MEGF9: variants seen among roughly 807,000 people sequenced by gnomAD.
MEGF9 encodes the protein multiple EGF like domains 9.
A neutral mutation model predicts 46.8 loss-of-function variants in MEGF9; 6 were observed. That is an observed-to-expected ratio of 0.13 (90% CI 0.07 to 0.25). The LOEUF is 0.25. MEGF9 is among the 10% of genes least tolerant of loss of function. The probability of loss-of-function intolerance (pLI) is 1.00; values close to 1 mark genes in which losing one functional copy is unlikely to be tolerated. For synonymous variants in MEGF9, 302 were observed against 330.7 expected (o/e 0.91, Z 0.94); for missense variants, 683 against 792.4 (o/e 0.86, Z 1.66).
intron 1 of MEGF9, among the ~76,000 whole-genome samples, chr9:120,705,713 A>C (rs1361018604): frequency 6.6e-6 from 1 of 152,182 alleles, no homozygotes; most frequent in Non-Finnish European, 1.5e-5. Context: ...CTATGATTCA[A>C]ACCTAGGTAT....
In MEGF9 at chr9:120,604,486, G is replaced by A. The variant is rs2043411275; in HGVS notation, c.*704C>T. On this transcript the variant is annotated 3_prime_UTR_variant, in exon 6 of 6. Transcript: ENST00000373930. Reference sequence around the variant, plus strand: ...TGTACACCTTATTTCTCTAGAGGCAGGAATATTCCTTATTTTTAGACAATT... The same window carrying A: ...TGTACACCTTATTTCTCTAGAGGCAAGAATATTCCTTATTTTTAGACAATT... The A allele has an allele frequency of 6.6e-6, 1 of 152,564 alleles. No individual in the cohort carries two copies. Among genetic ancestry groups the A allele is most frequent in the Non-Finnish European group, 1.5e-5 (1 of 68,070 alleles). 9.5% of individuals were successfully genotyped at this position (152,564 alleles called of 1,614,324 possible).
intron 1 of MEGF9, among the ~76,000 whole-genome samples, chr9:120,665,727 A>AT (rs2043722075): frequency 6.6e-6 from 1 of 152,134 alleles, no homozygotes. Context: ...ATAGTTTCAG[A>AT]TCTCACTTTT....
At chr9:120,659,188 A>C (rs1405571085) in intron 2 of MEGF9, among the ~76,000 whole-genome samples, 186 bp downstream of exon 2, 1 of 152,238 alleles carries the variant, frequency 6.6e-6, no homozygotes, top group Non-Finnish European at 1.5e-5. Context: ...TCAGTAAATT[A>C]GATGTTTTTA....
chr9:120,681,737 C>T (rs76499237), intron 1 of MEGF9, among the ~76,000 whole-genome samples: 2 of 152,064 alleles, frequency 1.3e-5, no homozygotes, highest in South Asian at 4.1e-4. Context: ...AACTATTCTT[C>T]AATTTATATG....
intron 1 of MEGF9, among the ~76,000 whole-genome samples, chr9:120,711,492 T>C (rs2043952899): frequency 6.6e-6 from 1 of 152,120 alleles, no homozygotes; most frequent in African/African-American, 2.4e-5. Context: ...ATCTGACAAA[T>C]TGCTAACAGT....
intron 2 of MEGF9, among the ~76,000 whole-genome samples, chr9:120,646,287 C>A (rs186566661): frequency 1.9e-3 from 285 of 152,218 alleles, no homozygotes; most frequent in Middle Eastern, 6.8e-3. Context: ...CCTACTGCTA[C>A]AATCCAGTGT....
intron 1 of MEGF9, among the ~76,000 whole-genome samples, chr9:120,666,673 T>C (rs543301203): frequency 8.4e-4 from 128 of 152,344 alleles, no homozygotes; most frequent in Non-Finnish European, 1.5e-3. Context: ...TGAAAAGTTA[T>C]AGTCACACAA....
At chr9:120,671,350 G>C (rs2043748222) in intron 1 of MEGF9, among the ~76,000 whole-genome samples, 1 of 152,200 alleles carries the variant, frequency 6.6e-6, no homozygotes, top group South Asian at 2.1e-4. Flanking sequence ...TCCAGCTGTA[G>C]CCAATCTACC....
intron 3 of MEGF9, among the ~76,000 whole-genome samples, chr9:120,617,078 C>T (rs1206514847): frequency 6.6e-6 from 1 of 151,674 alleles, no homozygotes; most frequent in African/African-American, 2.4e-5. Flanking sequence ...TATAACAATA[C>T]TGCCCTAAAA....
At chr9:120,654,579 T>TA (rs2043668159) in intron 2 of MEGF9, among the ~76,000 whole-genome samples, 1 of 152,230 alleles carries the variant, frequency 6.6e-6, no homozygotes, top group African/African-American at 2.4e-5. Context: ...ACACAGTACA[T>TA]AATACTTAAT....
intron 2 of MEGF9, among the ~76,000 whole-genome samples, chr9:120,647,874 T>G (rs1056194674): frequency 3.3e-5 from 5 of 152,204 alleles, no homozygotes; most frequent in Non-Finnish European, 2.9e-5. Flanking sequence ...AATAATAGAA[T>G]AGCTCTTCAC....
Position 120,625,833 on chromosome 9 carries a change from C to CAAAAAAAAA in MEGF9, c.804-3087_804-3079dup, listed in dbSNP as rs763605820. 7.4e-4 allele frequency among the ~76,000 whole-genome samples: 84 copies of CAAAAAAAAA among 113,058 alleles called. 1 individual carries two copies. The highest frequency in any genetic ancestry group is 1.1e-3 in the African/African-American group (30 of 26,424). 74.2% of individuals were successfully genotyped at this position (113,058 alleles called of 152,430 possible). A position where few individuals can be genotyped will look rare whatever the true frequency, so the allele number is the denominator to read the frequency against. ...TGGGTGACAGCAAGACTCTGTCTCA[C>CAAAAAAAAA]AAAAAAAAAAAAAAAAAAAAAAAGA... On this transcript the variant is annotated intron_variant, in intron 2 of 5. Coordinates refer to ENST00000373930, the MANE Select transcript of MEGF9 (RefSeq NM_001080497.3).
At chr9:120,636,422 T>C (rs2043574594) in intron 2 of MEGF9, among the ~76,000 whole-genome samples, 3 of 152,220 alleles carry the variant, frequency 2.0e-5, no homozygotes, top group South Asian at 4.1e-4. Flanking sequence ...CTCAGTGGCA[T>C]AGGCTGTACA....
At position 120,627,954 on chromosome 9, in the gene MEGF9, A is replaced by G. The variant is rs1369921415; in HGVS notation, c.804-5199T>C. ...TTTTAAAAATGAACTTAAAAATAAC[A>G]TTTTAAGCTATTTTTAAATAACTAA... is the stretch of plus-strand genomic sequence containing the variant. On this transcript the variant is annotated intron_variant, in intron 2 of 5. Transcript: ENST00000373930. 2.0e-5 allele frequency among the ~76,000 whole-genome samples: 3 copies of G among 152,348 alleles called. No homozygotes were observed. In the East Asian group the frequency reaches 5.8e-4, roughly 29 times the overall value.
intron 2 of MEGF9, among the ~76,000 whole-genome samples, chr9:120,659,084 A>C (rs531256535): frequency 1.1e-4 from 16 of 152,228 alleles, no homozygotes; most frequent in Non-Finnish European, 1.5e-4. Flanking sequence ...CCCTTCCAGA[A>C]AGCAGATTTA....
At chr9:120,686,078 G>A (rs1165938802) in intron 1 of MEGF9, among the ~76,000 whole-genome samples, 1 of 151,030 alleles carries the variant, frequency 6.6e-6, no homozygotes, top group African/African-American at 2.4e-5. Context: ...GGAAAAGGGA[G>A]TTGAGGGAAT....
chr9:120,673,803 T>A (rs1191836859), intron 1 of MEGF9, among the ~76,000 whole-genome samples: 4 of 150,872 alleles, frequency 2.7e-5, no homozygotes, highest in African/African-American at 9.7e-5. Context: ...TCGTCTCTAC[T>A]AAAAAAAATA....
chr9:120,711,871 A>ACACACACACACACC (rs145059704), intron 1 of MEGF9, among the ~76,000 whole-genome samples: 67 of 150,214 alleles, frequency 4.5e-4, no homozygotes, highest in African/African-American at 1.6e-3. Context: ...ACACACACAC[A>ACACACACACACACC]CCCACAGGCC....
At chr9:120,612,946 A>G (rs2043455518) in intron 3 of MEGF9, among the ~76,000 whole-genome samples, 2 of 124,402 alleles carry the variant, frequency 1.6e-5, no homozygotes, top group African/African-American at 6.3e-5. Context: ...TTTTTTTTTT[A>G]GAGATGGGGC....
Sources: gnomAD v4.1 joint callset for allele counts (sites outside exome capture counted in the v4.1 genomes callset) on GRCh38, gnomAD v4.1.1 for gene constraint, MANE v1.5 for transcripts, NCBI Gene and HGNC (gene_info 2026-07-23, HGNC 2026-07-21) for gene names.